Variants in RAPGEF4 observed in about 807,000 individuals in gnomAD.
RAPGEF4 encodes Rap guanine nucleotide exchange factor 4.
In RAPGEF4, 66 loss-of-function variants were observed where a neutral mutation model predicts 147.9. The observed-to-expected ratio is 0.45, with a 90% CI of 0.37 to 0.55. The LOEUF is 0.55. RAPGEF4 is among the 20% of genes least tolerant of loss of function. RAPGEF4 has a pLI of 0.00. For missense variants in RAPGEF4, 1,071 were observed against 1,257.3 expected (o/e 0.85, Z 2.24); for synonymous variants, 419 against 442.7 (o/e 0.95, Z 0.67).
chr2:172,767,176 C>T (rs1696924651), intron 1 of RAPGEF4, among the ~76,000 whole-genome samples: 2 of 148,638 alleles, frequency 1.3e-5, no homozygotes, highest in Admixed American at 6.7e-5. Flanking sequence ...GATAAACACT[C>T]TATTTTTTTT....
At chr2:172,775,500 C>T (rs1293234423) in intron 1 of RAPGEF4, among the ~76,000 whole-genome samples, 9 of 152,192 alleles carry the variant, frequency 5.9e-5, no homozygotes. Flanking sequence ...TGGCACAAAT[C>T]ATGCTGCCTG....
At chr2:172,851,831 A>G (rs1692863290) in intron 4 of RAPGEF4, among the ~76,000 whole-genome samples, 1 of 152,208 alleles carries the variant, frequency 6.6e-6, no homozygotes, top group African/African-American at 2.4e-5. Flanking sequence ...GAAGGTGAAG[A>G]TTAAAAAAGT....
intron 29 of RAPGEF4, among the ~76,000 whole-genome samples, chr2:173,039,866 A>G (rs2106032650): frequency 1.3e-5 from 2 of 152,286 alleles, no homozygotes; most frequent in Admixed American, 1.3e-4. Context: ...CTCATGTGAG[A>G]AATTCTACCA....
chr2:172,902,785 T>A (rs1227326832), intron 4 of RAPGEF4, among the ~76,000 whole-genome samples: 1 of 152,154 alleles, frequency 6.6e-6, no homozygotes, highest in Non-Finnish European at 1.5e-5. Context: ...AGTTGAGATT[T>A]TCTAGAGTGG....
intron 10 of RAPGEF4, among the ~76,000 whole-genome samples, chr2:172,978,143 A>G (rs1029404289): frequency 6.6e-6 from 1 of 152,142 alleles, no homozygotes; most frequent in African/African-American, 2.4e-5. Context: ...TGAATGAAAG[A>G]CCAGGAGGTA....
At chr2:173,044,278 AG>A (rs958228209) in intron 29 of RAPGEF4, among the ~76,000 whole-genome samples, 9 of 73,092 alleles carry the variant, frequency 1.2e-4, no homozygotes, top group Admixed American at 3.8e-4. Context: ...GGGGGGCGGG[AG>A]GGGGGGTGAG....
chr2:173,018,910 A>G (rs1029121838), intron 22 of RAPGEF4, 108 bp downstream of exon 22: 1 of 1,244,640 alleles, frequency 8.0e-7, no homozygotes, highest in Middle Eastern at 2.5e-4. Flanking sequence ...CAGAGGATGA[A>G]CTGGTGCTTA....
intron 11 of RAPGEF4, among the ~76,000 whole-genome samples, chr2:172,984,377 C>T (rs1393044141): frequency 2.6e-5 from 4 of 152,170 alleles, no homozygotes; most frequent in Non-Finnish European, 5.9e-5. Context: ...ACCTGCCAGT[C>T]CCTGCTGTTG....
At chr2:172,800,101 GTCT>G (rs1394341178) in intron 3 of RAPGEF4, among the ~76,000 whole-genome samples, 2 of 152,196 alleles carry the variant, frequency 1.3e-5, no homozygotes, top group African/African-American at 4.8e-5. Context: ...GCTGGGCTCG[GTCT>G]TCTTTTAGTT....
intron 22 of RAPGEF4, among the ~76,000 whole-genome samples, chr2:173,019,659 T>C (rs1695860916): frequency 1.3e-5 from 2 of 152,228 alleles, no homozygotes; most frequent in South Asian, 4.1e-4. Flanking sequence ...TAAATGCATG[T>C]TGGATTTTAA....
intron 30 of RAPGEF4, among the ~76,000 whole-genome samples, chr2:173,050,156 A>G (rs56306605): frequency 0.027 from 4,069 of 152,358 alleles, 99 homozygotes; most frequent in Non-Finnish European, 0.034. Context: ...TGTTGAAGTT[A>G]TCAGTAACTG....
intron 4 of RAPGEF4, among the ~76,000 whole-genome samples, chr2:172,872,213 A>C (rs540754756): frequency 6.6e-6 from 1 of 151,986 alleles, no homozygotes; most frequent in Non-Finnish European, 1.5e-5. Flanking sequence ...TTAGTTGTTA[A>C]TGGTTCTTTA....
At chr2:172,759,120 C>G (rs528309517) in intron 1 of RAPGEF4, among the ~76,000 whole-genome samples, 6 of 152,234 alleles carry the variant, frequency 3.9e-5, no homozygotes, top group Non-Finnish European at 5.9e-5. Context: ...GAAGAAAGAC[C>G]AAAATCTGGG....
chr2:172,885,023 T>C (rs1021345976), intron 4 of RAPGEF4, among the ~76,000 whole-genome samples: 4 of 152,246 alleles, frequency 2.6e-5, no homozygotes, highest in Non-Finnish European at 2.9e-5. Flanking sequence ...CCTGAAGGCC[T>C]CCCATTTCAA....
Position 173,017,515 on chromosome 2 carries a change from T to A in RAPGEF4, c.2008+11T>A. 6.2e-7 allele frequency: 1 copy of A among 1,605,126 alleles called. No homozygotes were observed. Among genetic ancestry groups the A allele is most frequent in the Non-Finnish European group, 8.5e-7 (1 of 1,171,894 alleles). On this transcript the variant is annotated intron_variant, in intron 21 of 30. Transcript: ENST00000397081. ...GCGGCTCTGATGAAGGTGAGAACCC[T>A]CTTCCAACTAACTCGTAGTTGTATA...
chr2:172,937,355 A>C (rs6754041), intron 6 of RAPGEF4, among the ~76,000 whole-genome samples: 38 of 152,266 alleles, frequency 2.5e-4, no homozygotes, highest in Non-Finnish European at 4.3e-4. Flanking sequence ...CCTTTTGGCT[A>C]TCCATTTCTC....
chr2:172,822,790 C>T (rs1244217413), intron 4 of RAPGEF4, among the ~76,000 whole-genome samples: 1 of 152,234 alleles, frequency 6.6e-6, no homozygotes, highest in Non-Finnish European at 1.5e-5. Context: ...CCCACTCTCT[C>T]CCCTGCACTG....
At chr2:172,868,450 A>C (rs1425292070) in intron 4 of RAPGEF4, among the ~76,000 whole-genome samples, 1 of 152,172 alleles carries the variant, frequency 6.6e-6, no homozygotes, top group Non-Finnish European at 1.5e-5. Flanking sequence ...TTTTCATTCT[A>C]TGTTTTAATA....
chr2:172,959,648 G>C (rs115379214), intron 6 of RAPGEF4, among the ~76,000 whole-genome samples: 37 of 152,208 alleles, frequency 2.4e-4, no homozygotes, highest in African/African-American at 8.9e-4. Context: ...CCCTTGACTG[G>C]ATACATTTTT....
Sources: allele counts gnomAD v4.1 joint callset (sites outside exome capture counted in the v4.1 genomes callset), GRCh38; gene constraint gnomAD v4.1.1; transcripts MANE v1.5; gene names NCBI Gene and HGNC (gene_info 2026-07-23, HGNC 2026-07-21).